The following ADGRA3 variants were observed in gnomAD, a reference collection of about 807,000 sequenced individuals.
ADGRA3 encodes adhesion G protein-coupled receptor A3.
Under a neutral mutation model 119.8 loss-of-function variants are expected in ADGRA3, and 56 were observed. The observed-to-expected ratio is 0.47, with a 90% confidence interval of 0.38 to 0.58. The LOEUF (loss-of-function observed/expected upper bound fraction) is 0.58. ADGRA3 is among the 20% of genes least tolerant of loss of function. The pLI is 0.00. For missense variants in ADGRA3, 1,516 were observed against 1,649.0 expected, an observed-to-expected ratio of 0.92 and a Z score of 1.40; for synonymous variants, 607 against 623.8, an observed-to-expected ratio of 0.97 and a Z score of 0.40.
chr4:22,421,881 C>CCAAAAAAAA (rs767609157), intron 11 of ADGRA3, among the ~76,000 whole-genome samples: 6 of 70,442 alleles, frequency 8.5e-5, no homozygotes, highest in African/African-American at 3.2e-4. Context: ...ACTCAGTCTC[C>CCAAAAAAAA]AAAAAAAAAA....
intron 14 of ADGRA3, among the ~76,000 whole-genome samples, chr4:22,410,669 GCTTT>G (rs1346025387): frequency 6.6e-6 from 1 of 151,844 alleles, no homozygotes; most frequent in Non-Finnish European, 1.5e-5. Context: ...TTTCTAATTT[GCTTT>G]CTAATTTTTT....
At chr4:22,414,300 T>A (rs553025468) in intron 12 of ADGRA3, 1 of 277,306 alleles carries the variant, frequency 3.6e-6, no homozygotes, top group Admixed American at 4.9e-5. Flanking sequence ...TATACAAACA[T>A]AATAGAGGTT....
At chr4:22,473,307 C>G (rs1717922191) in intron 2 of ADGRA3, 1 of 152,722 alleles carries the variant, frequency 6.5e-6, no homozygotes, top group African/African-American at 2.4e-5. Flanking sequence ...TATAGCAATG[C>G]AAGAATGGCC....
intron 1 of ADGRA3, among the ~76,000 whole-genome samples, chr4:22,510,131 A>G (rs1719399587): frequency 6.6e-6 from 1 of 151,992 alleles, no homozygotes. Flanking sequence ...CTCAGACTAC[A>G]CTTAAGTTAT....
At chr4:22,395,799 A>G (rs1577321153) in intron 16 of ADGRA3, among the ~76,000 whole-genome samples, 1 of 152,292 alleles carries the variant, frequency 6.6e-6, no homozygotes, top group East Asian at 1.9e-4. Context: ...ATACACAAAG[A>G]AAAACTACCT....
At chr4:22,407,619 T>C (rs1006500081) in intron 14 of ADGRA3, among the ~76,000 whole-genome samples, 6 of 152,156 alleles carry the variant, frequency 3.9e-5, no homozygotes, top group Non-Finnish European at 7.3e-5. Flanking sequence ...CAGTACAAAC[T>C]TTAATAACTA....
rs181375154 is a variant in ADGRA3 at position 22,388,914 on chromosome 4, G to C, written c.2757C>G (p.Ala919=). The change falls in exon 19 of 19, where the codon GCC becomes GCG. Residue 919 remains alanine, a synonymous_variant. Coordinates refer to ENST00000334304, the MANE Select transcript of ADGRA3 (RefSeq NM_145290.4). ...TGATGAAGCTGGCTGGCCCATAGAA[G>C]GCTCCCAAGGAGGGTTCCCATGCCA... ...CWMAWEPSLG[A]FYGPASFITF... The C allele has an allele frequency of 6.2e-7, 1 of 1,613,942 alleles. No individual in the cohort carries two copies. Among genetic ancestry groups the C allele is most frequent in the Admixed American group, 1.7e-5 (1 of 59,986 alleles).
At chr4:22,509,004 C>A (rs989418063) in intron 1 of ADGRA3, among the ~76,000 whole-genome samples, 1 of 152,110 alleles carries the variant, frequency 6.6e-6, no homozygotes, top group African/African-American at 2.4e-5. Flanking sequence ...CCATGTTCCA[C>A]CCTTTCTCCC....
At chr4:22,445,521 C>A (rs185202821) in intron 5 of ADGRA3, among the ~76,000 whole-genome samples, 3 of 152,294 alleles carry the variant, frequency 2.0e-5, no homozygotes, top group Non-Finnish European at 4.4e-5. Flanking sequence ...TTGAAGCCAT[C>A]CCCAATTTTC....
intron 3 of ADGRA3, among the ~76,000 whole-genome samples, chr4:22,455,337 C>T (rs1451242905): frequency 6.6e-6 from 1 of 152,032 alleles, no homozygotes; most frequent in East Asian, 1.9e-4. Flanking sequence ...CAGTAAATGA[C>T]AGATAATGGA....
At chr4:22,443,622 T>C (rs1252589813) in intron 6 of ADGRA3, among the ~76,000 whole-genome samples, 2 of 152,172 alleles carry the variant, frequency 1.3e-5, no homozygotes, top group Admixed American at 6.5e-5. Flanking sequence ...TGTTAAACTA[T>C]GGCTTCATCT....
intron 10 of ADGRA3, among the ~76,000 whole-genome samples, chr4:22,430,385 C>T (rs1022281994): frequency 6.6e-6 from 1 of 152,044 alleles, no homozygotes; most frequent in Non-Finnish European, 1.5e-5. Flanking sequence ...TAGGTCCAGG[C>T]TGAGGTGGTC....
rs190393207 is a variant in ADGRA3 at position 22,442,130 on chromosome 4, T to C, written c.920+520A>G. Among the ~76,000 whole-genome samples the C allele has an allele frequency of 1.5e-4, 23 of 152,278 alleles. No homozygotes were observed. The East Asian group carries it at 4.2e-3, about 28-fold the overall frequency. ...AAGTAAAATATCTGGTAAGTGATAA[T>C]ATCATATATATTCTTAGTCTATTAT... On this transcript the variant is annotated intron_variant, in intron 7 of 18. Coordinates refer to ENST00000334304, the MANE Select transcript of ADGRA3 (RefSeq NM_145290.4).
chr4:22,505,646 C>CAAAA (rs199814126), intron 1 of ADGRA3, among the ~76,000 whole-genome samples: 5 of 122,954 alleles, frequency 4.1e-5, no homozygotes, highest in African/African-American at 1.5e-4. Context: ...GACTCTGTCT[C>CAAAA]AAAAAAAAAA....
chr4:22,434,967 C>T (rs1243618689), intron 10 of ADGRA3, among the ~76,000 whole-genome samples: 2 of 152,148 alleles, frequency 1.3e-5, no homozygotes, highest in East Asian at 1.9e-4. Flanking sequence ...AAGATGAGCA[C>T]GAGGATATGT....
At chr4:22,413,851 A>G (rs779495016) in intron 12 of ADGRA3, 37 bp from the exon 13 acceptor site, 12 of 1,387,226 alleles carry the variant, frequency 8.7e-6, no homozygotes, top group South Asian at 1.3e-5. Flanking sequence ...AGCTCACTAC[A>G]TTAGTACATA....
At position 22,413,263 on chromosome 4, in the gene ADGRA3, T is replaced by C. The variant is rs1715288725; in HGVS notation, c.2151A>G (p.Ser717=). 6.2e-7 allele frequency: 1 copy of C among 1,614,056 alleles called. No homozygotes were observed. Among genetic ancestry groups the C allele is most frequent in the Non-Finnish European group, 8.5e-7 (1 of 1,179,998 alleles). The change falls in exon 14 of 19, where the codon TCA becomes TCG. Residue 717 remains serine (S), a synonymous_variant. Transcript: ENST00000334304. ...DLLNGQGGWK[S]DGCHILYSDE... Reference sequence around the variant, plus strand: ...CTGAATAGAGTATATGGCACCCATCTGACTTCCAGCCTCCTTGTCCGTTCA... The same window carrying C: ...CTGAATAGAGTATATGGCACCCATCCGACTTCCAGCCTCCTTGTCCGTTCA...
rs767092568 is a variant in ADGRA3 at position 22,447,486 on chromosome 4, A to C, written c.499T>G (p.Ser167Ala). The change falls in exon 5 of 19, where the codon TCA becomes GCA. Residue 167 changes from serine (S) to alanine (A), a missense_variant. Transcript: ENST00000334304. ...TAATCAAAAGTTCCTTGAGATAATG[A>C]AGAAAACAAATTCCCCGAAAGGTTT... is the stretch of plus-strand genomic sequence containing the variant. ...RLNLSGNLFS[S>A]LSQGTFDYLA... is the part of the protein sequence containing the mutation. 6.3e-7 allele frequency: 1 copy of C among 1,579,936 alleles called. No homozygotes were observed. Among genetic ancestry groups the C allele is most frequent in the South Asian group, 1.2e-5 (1 of 82,570 alleles).
intron 11 of ADGRA3, among the ~76,000 whole-genome samples, chr4:22,423,063 G>T (rs2109039330): frequency 6.6e-6 from 1 of 152,146 alleles, no homozygotes; most frequent in Non-Finnish European, 1.5e-5. Context: ...ACACATAGTG[G>T]TGCTTGCCTA....
Sources: gnomAD v4.1 joint callset for allele counts (sites outside exome capture counted in the v4.1 genomes callset) on GRCh38, gnomAD v4.1.1 for gene constraint, MANE v1.5 for transcripts, NCBI Gene and HGNC (gene_info 2026-07-23, HGNC 2026-07-21) for gene names.